MLLT10: variants seen among roughly 807,000 people sequenced by gnomAD.
The protein encoded by MLLT10 is protein AF-10.
MLLT10 carries 30 observed loss-of-function variants against 129.1 expected under a neutral mutation model. That is an observed-to-expected ratio of 0.23 (90% CI 0.17 to 0.32). The LOEUF (loss-of-function observed/expected upper bound fraction) is 0.32. MLLT10 is among the 10% of genes least tolerant of loss of function. The probability of loss-of-function intolerance (pLI) is 1.00; values close to 1 mark genes in which losing one functional copy is unlikely to be tolerated. For missense variants in MLLT10, 1,119 were observed against 1,268.3 expected (o/e 0.88, Z 1.79); for synonymous variants, 490 against 446.4 (o/e 1.10, Z -1.23).
chr10:21,695,803 C>CA (rs1343687360), intron 13 of MLLT10, among the ~76,000 whole-genome samples: 2 of 151,702 alleles, frequency 1.3e-5, no homozygotes, highest in African/African-American at 4.9e-5. Context: ...TGGGATTTAT[C>CA]AAACCAAAGT....
intron 4 of MLLT10, among the ~76,000 whole-genome samples, chr10:21,594,849 T>A (rs1260081081): frequency 2.3e-4 from 35 of 151,244 alleles, no homozygotes; most frequent in Admixed American, 7.9e-4. Context: ...AAAAAAAAAA[T>A]TTAATATGAA....
intron 3 of MLLT10, among the ~76,000 whole-genome samples, chr10:21,561,578 T>G (rs1237512353): frequency 6.6e-6 from 1 of 151,762 alleles, no homozygotes; most frequent in Non-Finnish European, 1.5e-5. Flanking sequence ...CTCTTAAGTT[T>G]AGGTGTTTGA....
intron 8 of MLLT10, among the ~76,000 whole-genome samples, chr10:21,620,723 T>G (rs2045727856): frequency 6.6e-6 from 1 of 151,966 alleles, no homozygotes; most frequent in Non-Finnish European, 1.5e-5. Context: ...GGAGTCTTGC[T>G]GTTGTCGCCC....
In MLLT10 at chr10:21,534,454, G is replaced by A; in HGVS notation, c.-67G>A. 1.9e-6 allele frequency: 1 copy of A among 514,962 alleles called. No individual in the cohort carries two copies. Among genetic ancestry groups the A allele is most frequent in the Non-Finnish European group, 3.4e-6 (1 of 296,358 alleles). 31.9% of individuals were successfully genotyped at this position (514,962 alleles called of 1,614,324 possible). A position where few individuals can be genotyped will look rare whatever the true frequency, so the allele number is the denominator to read the frequency against. ...GAGGAGGCGGTGGAGGGGAGGTGGG[G>A]GGAATCAGCAAGGACATGGCTCCTG... On this transcript the variant is annotated 5_prime_UTR_variant, in exon 1 of 23. Coordinates refer to ENST00000307729, the MANE Select transcript of MLLT10 (RefSeq NM_001195626.3).
At chr10:21,646,853 C>CTT (rs1193229400) in intron 8 of MLLT10, among the ~76,000 whole-genome samples, 37 of 139,872 alleles carry the variant, frequency 2.6e-4, no homozygotes, top group Admixed American at 4.3e-4. Context: ...TGACTATTCC[C>CTT]TTTTTTTTTT....
chr10:21,557,175 C>T (rs765428910), intron 3 of MLLT10: 23 of 1,324,060 alleles, frequency 1.7e-5, no homozygotes, highest in Non-Finnish European at 2.2e-5. Flanking sequence ...CTAGTTGATT[C>T]ACTTCTTCAA....
At chr10:21,638,940 A>T (rs764557178) in intron 8 of MLLT10, among the ~76,000 whole-genome samples, 9 of 152,304 alleles carry the variant, frequency 5.9e-5, no homozygotes, top group Non-Finnish European at 1.0e-4. Context: ...CTTAGCCTAC[A>T]GCCACCTCTT....
At chr10:21,661,874 G>C (rs1446126939) in intron 9 of MLLT10, 1 of 151,920 alleles carries the variant, frequency 6.6e-6, no homozygotes, top group African/African-American at 2.4e-5. Context: ...TGCCATTTAA[G>C]GTGATTATTG....
At chr10:21,550,278 T>C (rs1361822057) in intron 3 of MLLT10, among the ~76,000 whole-genome samples, 1 of 152,180 alleles carries the variant, frequency 6.6e-6, no homozygotes, top group Non-Finnish European at 1.5e-5. Flanking sequence ...GTGAGTCATC[T>C]ACTCACATCT....
chr10:21,743,600 T>G lies in MLLT10; in HGVS notation c.*1617T>G, dbSNP rs574617238. 5.7e-6 allele frequency: 1 copy of G among 174,224 alleles called. No homozygotes were observed. Among genetic ancestry groups the G allele is most frequent in the African/African-American group, 2.4e-5 (1 of 42,332 alleles). 10.8% of individuals were successfully genotyped at this position (174,224 alleles called of 1,614,324 possible). A position where few individuals can be genotyped will look rare whatever the true frequency, so the allele number is the denominator to read the frequency against. On this transcript the variant is annotated 3_prime_UTR_variant, in exon 23 of 23. Transcript: ENST00000307729. ...CACATGTATTAAAATGTACAAAATGTTTTGTTAATAAAATTTAATAATGTT... is the reference window on the plus strand; with the variant it reads ...CACATGTATTAAAATGTACAAAATGGTTTGTTAATAAAATTTAATAATGTT...
intron 20 of MLLT10, among the ~76,000 whole-genome samples, chr10:21,734,779 T>G (rs1215532445): frequency 1.3e-5 from 2 of 152,118 alleles, no homozygotes; most frequent in Non-Finnish European, 2.9e-5. Context: ...TTTGGATTCT[T>G]TGTTTCAAAT....
In MLLT10 at chr10:21,625,700, A is replaced by G. The variant is rs1275540937; in HGVS notation, c.699+8493A>G. On this transcript the variant is annotated intron_variant, in intron 8 of 22. Transcript: ENST00000307729. ...CTTATTCTTCAGAATGGATCCAACA[A>G]AAGTCTGTTGTTTGCCACAGAAATG... 9 of 766,904 alleles carry G rather than the reference A, an allele frequency of 1.2e-5. No individual in the cohort carries two copies. In the East Asian group the frequency reaches 1.2e-4, roughly 10 times the overall value. 47.5% of individuals were successfully genotyped at this position (766,904 alleles called of 1,614,324 possible).
intron 8 of MLLT10, among the ~76,000 whole-genome samples, chr10:21,634,929 C>T (rs976357861): frequency 6.6e-6 from 1 of 152,200 alleles, no homozygotes; most frequent in Non-Finnish European, 1.5e-5. Flanking sequence ...TCTAGTAAAA[C>T]AGATGCTGTA....
chr10:21,663,248 A>T (rs1368589491), intron 9 of MLLT10, among the ~76,000 whole-genome samples: 12 of 152,116 alleles, frequency 7.9e-5, no homozygotes, highest in Non-Finnish European at 1.8e-4. Context: ...GCTTGTTCAC[A>T]CTGTGCCTCC....
intron 21 of MLLT10, among the ~76,000 whole-genome samples, chr10:21,738,824 C>A (rs934127100): frequency 1.3e-5 from 2 of 152,104 alleles, no homozygotes; most frequent in Admixed American, 6.5e-5. Context: ...TTTCCTGGGT[C>A]CTCCTCTTCA....
chr10:21,699,043 T>A (rs560998267), intron 13 of MLLT10, among the ~76,000 whole-genome samples: 1 of 152,180 alleles, frequency 6.6e-6, no homozygotes, highest in South Asian at 2.1e-4. Flanking sequence ...CCCAGCTAAT[T>A]TTTGTACTTT....
At chr10:21,551,788 C>A (rs774527140) in intron 3 of MLLT10, 1 of 398,048 alleles carries the variant, frequency 2.5e-6, no homozygotes, top group East Asian at 8.8e-5. Context: ...CTAATAGTTT[C>A]TGTCTCTCTC....
At chr10:21,608,161 T>C (rs1441174008) in intron 5 of MLLT10, among the ~76,000 whole-genome samples, 1 of 151,654 alleles carries the variant, frequency 6.6e-6, no homozygotes, top group East Asian at 1.9e-4. Flanking sequence ...AAGTGTTTTC[T>C]CTTTATTTTT....
chr10:21,698,264 C>G (rs1307461848), intron 13 of MLLT10, among the ~76,000 whole-genome samples: 1 of 152,216 alleles, frequency 6.6e-6, no homozygotes, highest in African/African-American at 2.4e-5. Context: ...ATTCTATTCT[C>G]TGTCTCCATG....
Sources: allele counts gnomAD v4.1 joint callset (sites outside exome capture counted in the v4.1 genomes callset), GRCh38; gene constraint gnomAD v4.1.1; transcripts MANE v1.5; gene names NCBI Gene and HGNC (gene_info 2026-07-23, HGNC 2026-07-21).